CNOT6: variants seen among roughly 807,000 people sequenced by gnomAD.
CNOT6 encodes CCR4-NOT transcription complex subunit 6, also known as carbon catabolite repression 4 protein.
CNOT6 carries 12 observed loss-of-function variants against 61.2 expected under a neutral mutation model. The observed-to-expected ratio is 0.20, with a 90% CI of 0.13 to 0.32. The LOEUF is 0.32. CNOT6 is among the 10% of genes least tolerant of loss of function. The pLI is 1.00. For missense variants in CNOT6, 405 were observed against 663.9 expected (o/e 0.61, Z 4.28); for synonymous variants, 225 against 240.6 (o/e 0.94, Z 0.60).
intron 4 of CNOT6, among the ~76,000 whole-genome samples, chr5:180,557,486 C>G (rs950870609): frequency 7.2e-5 from 11 of 152,198 alleles, no homozygotes; most frequent in Non-Finnish European, 1.6e-4. Context: ...AGATACCCAA[C>G]ATCTTTGCAG....
chr5:180,536,658 T>C (rs946166505), intron 2 of CNOT6, among the ~76,000 whole-genome samples: 3 of 152,158 alleles, frequency 2.0e-5, no homozygotes, highest in Non-Finnish European at 4.4e-5. Flanking sequence ...TCACCCAGGC[T>C]GTAGTGCAGT....
intron 1 of CNOT6, among the ~76,000 whole-genome samples, chr5:180,500,254 G>A (rs1756810402): frequency 6.6e-6 from 1 of 151,788 alleles, no homozygotes; most frequent in Admixed American, 6.6e-5. Flanking sequence ...GGTATCACAG[G>A]TGTGTGCCAC....
At chr5:180,568,551 AAAAT>A (rs917853418) in intron 9 of CNOT6, among the ~76,000 whole-genome samples, 17 of 151,258 alleles carry the variant, frequency 1.1e-4, no homozygotes, top group African/African-American at 1.7e-4. Flanking sequence ...GACTCCTCAA[AAAAT>A]AAATAAATAA....
intron 2 of CNOT6, among the ~76,000 whole-genome samples, chr5:180,539,624 C>T (rs1405574476): frequency 4.9e-5 from 5 of 102,914 alleles, no homozygotes; most frequent in African/African-American, 7.9e-5. Flanking sequence ...GAGTCTTGTT[C>T]TGTCACTCAG....
intron 9 of CNOT6, 152 bp downstream of exon 9, chr5:180,568,155 T>C (rs1581571599): frequency 1.5e-6 from 1 of 680,090 alleles, no homozygotes; most frequent in Admixed American, 3.6e-5. Context: ...GTATCTCTTT[T>C]TCTCTACCAC....
chr5:180,509,154 C>T (rs1294548879), intron 1 of CNOT6, among the ~76,000 whole-genome samples: 2 of 151,644 alleles, frequency 1.3e-5, no homozygotes, highest in Non-Finnish European at 2.9e-5. Context: ...TATTTTGAGA[C>T]AAGGTCTGGT....
At chr5:180,515,845 GAGA>G (rs1757611100) in intron 1 of CNOT6, among the ~76,000 whole-genome samples, 1 of 152,042 alleles carries the variant, frequency 6.6e-6, no homozygotes. Flanking sequence ...ACAAAGAATG[GAGA>G]AGAAGAAAAT....
In CNOT6 at chr5:180,569,282, A is replaced by G; in HGVS notation, c.1200A>G (p.Gly400=). ...ASRNLKSSVL[G]EFGTIPLVLC... ...GCAACCTCAAATCCAGTGTTTTGGG[A>G]GAATTTGGAACTATTCCACTTGTGT... The change falls in exon 10 of 12, where the codon GGA becomes GGG. Residue 400 remains glycine, a synonymous_variant. Coordinates refer to ENST00000261951, the MANE Select transcript of CNOT6 (RefSeq NM_001370472.1). 1.9e-6 allele frequency: 3 copies of G among 1,614,204 alleles called. No individual in the cohort carries two copies. The highest frequency in any genetic ancestry group is 1.7e-6 in the Non-Finnish European group (2 of 1,180,012).
intron 2 of CNOT6, among the ~76,000 whole-genome samples, chr5:180,549,371 C>G (rs889786111): frequency 6.6e-6 from 1 of 152,064 alleles, no homozygotes; most frequent in Admixed American, 6.6e-5. Flanking sequence ...TAAATTTGGC[C>G]GGGCACAGTG....
Position 180,574,184 on chromosome 5 carries a change from T to G in CNOT6, c.1658T>G (p.Leu553Arg), listed in dbSNP as rs749670206. Residue 553 changes from leucine (L) to arginine (R), a missense_variant, in exon 12 of 12, where the codon CTT becomes CGT. Leu to Arg is a moderately radical substitution (Grantham distance 102). This residue lies in a region of CNOT6 where 52 missense variants were observed against 69.3 expected (regional missense o/e 0.75). Coordinates refer to ENST00000261951, the MANE Select transcript of CNOT6 (RefSeq NM_001370472.1). ...PFLPQVNGIH[L>R]PGRR Reference sequence around the variant, plus strand: ...CTGCCCCAAGTCAACGGCATCCACCTTCCTGGCAGGAGGTAGTCAAGCACC... The same window carrying G: ...CTGCCCCAAGTCAACGGCATCCACCGTCCTGGCAGGAGGTAGTCAAGCACC... 6.2e-7 allele frequency: 1 copy of G among 1,613,560 alleles called. No individual in the cohort carries two copies. The highest frequency in any genetic ancestry group is 8.5e-7 in the Non-Finnish European group (1 of 1,179,864).
In CNOT6 at chr5:180,565,875, G is replaced by C. The variant is rs1420774959; in HGVS notation, c.615G>C (p.Gln205His). The C allele has an allele frequency of 3.7e-6, 6 of 1,613,588 alleles. No homozygotes were observed. The highest frequency in any genetic ancestry group is 5.1e-6 in the Non-Finnish European group (6 of 1,179,684). The change falls in exon 7 of 12, where the codon CAG becomes CAC. Residue 205 changes from glutamine to histidine, a missense_variant. Gln to His is a conservative substitution (Grantham distance 24). Transcript: ENST00000261951. ...TTTGTGATAAATATGCGACCCGGCA[G>C]TTATACGGCTACTGTCCATCATGGG... ...NVLCDKYATR[Q>H]LYGYCPSWAL...
Position 180,569,210 on chromosome 5 carries a change from T to C in CNOT6, c.1128T>C (p.Thr376=). 1 of 1,614,066 alleles carries C rather than the reference T, an allele frequency of 6.2e-7. No individual in the cohort carries two copies. Among genetic ancestry groups the C allele is most frequent in the Non-Finnish European group, 8.5e-7 (1 of 1,179,882 alleles). ...ACTCTGATGTGAAGTTGGTACAAAC[T>C]ATGATGTTCCTCTCAGAAGTGAAGA... ...PEYSDVKLVQ[T]MMFLSEVKNI... The change falls in exon 10 of 12, where the codon ACT becomes ACC. Residue 376 remains threonine, a synonymous_variant. Coordinates refer to ENST00000261951, the MANE Select transcript of CNOT6 (RefSeq NM_001370472.1).
At chr5:180,505,060 G>A (rs1757060771) in intron 1 of CNOT6, among the ~76,000 whole-genome samples, 2 of 145,654 alleles carry the variant, frequency 1.4e-5, no homozygotes, top group African/African-American at 5.1e-5. Flanking sequence ...CCAGGTTCAC[G>A]CCATTCTCCT....
intron 4 of CNOT6, among the ~76,000 whole-genome samples, chr5:180,563,778 G>A (rs985638239): frequency 2.6e-5 from 4 of 152,176 alleles, no homozygotes; most frequent in Admixed American, 1.3e-4. Flanking sequence ...GAAACCCTGC[G>A]CTGCACTGTT....
At chr5:180,496,117 G>A (rs1422317757) in intron 1 of CNOT6, among the ~76,000 whole-genome samples, 1 of 152,124 alleles carries the variant, frequency 6.6e-6, no homozygotes, top group East Asian at 1.9e-4. Flanking sequence ...TGCCCAGGCT[G>A]GTCTCCGACT....
At chr5:180,544,168 C>G (rs779731501) in intron 2 of CNOT6, among the ~76,000 whole-genome samples, 22 of 152,142 alleles carry the variant, frequency 1.4e-4, no homozygotes, top group Non-Finnish European at 1.0e-4. Context: ...CTGTTGATTT[C>G]TTTGTTTTCT....
In CNOT6 at chr5:180,541,627, T is replaced by A. The variant is rs1203689012; in HGVS notation, c.113-8304T>A. Among the ~76,000 whole-genome samples the A allele has an allele frequency of 2.0e-5, 3 of 150,364 alleles. No individual in the cohort carries two copies. The East Asian group carries it at 5.9e-4, about 30-fold the overall frequency. The stretch of plus-strand genomic sequence containing the variant: ...GCCATCACGCCTGGCTAATTTTTTG[T>A]ATTTTTAGTGAAGACGGGGTTTCAC... On this transcript the variant is annotated intron_variant, in intron 2 of 11. Coordinates refer to ENST00000261951, the MANE Select transcript of CNOT6 (RefSeq NM_001370472.1).
intron 2 of CNOT6, among the ~76,000 whole-genome samples, chr5:180,541,728 A>C (rs1759055863): frequency 6.6e-6 from 1 of 151,566 alleles, no homozygotes; most frequent in Non-Finnish European, 1.5e-5. Context: ...CTGGGATTAC[A>C]GGCGTGAGCC....
intron 1 of CNOT6, among the ~76,000 whole-genome samples, chr5:180,524,871 T>TA: frequency 6.6e-6 from 1 of 152,246 alleles, no homozygotes; most frequent in East Asian, 1.9e-4. Context: ...ATCAGATAGT[T>TA]ACTTTGTAAG....
Sources: gnomAD v4.1 joint callset for allele counts (sites outside exome capture counted in the v4.1 genomes callset) on GRCh38, gnomAD v4.1.1 for gene constraint, gnomAD v4.1.1 regional missense constraint, MANE v1.5 for transcripts, NCBI Gene and HGNC (gene_info 2026-07-23, HGNC 2026-07-21) for gene names.